Variants in RAPGEF5 observed in about 807,000 individuals in gnomAD.
RAPGEF5 encodes the protein M-Ras-regulated GEF.
Under a neutral mutation model 125.2 loss-of-function variants are expected in RAPGEF5, and 65 were observed. That is an observed-to-expected ratio of 0.52 (90% CI 0.43 to 0.64). The LOEUF (loss-of-function observed/expected upper bound fraction) is 0.64. Among genes scored for constraint, RAPGEF5 ranks in the 30% least tolerant of loss-of-function variants. The pLI, the probability that RAPGEF5 is intolerant of heterozygous loss-of-function variation, is 0.00. For missense variants in RAPGEF5, 958 were observed against 1,048.1 expected (o/e 0.91, Z 1.19); for synonymous variants, 391 against 385.9 (o/e 1.01, Z -0.16).
intron 7 of RAPGEF5, among the ~76,000 whole-genome samples, chr7:22,255,151 T>C (rs1258696468): frequency 6.6e-6 from 1 of 152,148 alleles, no homozygotes; most frequent in Admixed American, 6.5e-5. Context: ...TACAGGATTA[T>C]AAGGTCATAT....
chr7:22,148,198 C>A (rs1028220226), intron 18 of RAPGEF5, among the ~76,000 whole-genome samples: 2 of 152,164 alleles, frequency 1.3e-5, no homozygotes, highest in African/African-American at 4.8e-5. Flanking sequence ...ACCAGACAGG[C>A]TCTACTGCTG....
intron 11 of RAPGEF5, among the ~76,000 whole-genome samples, chr7:22,169,639 G>A (rs1442219641): frequency 6.7e-6 from 1 of 150,070 alleles, no homozygotes; most frequent in Non-Finnish European, 1.5e-5. Context: ...TAGATTGCTT[G>A]AGGCCAGGAG....
At chr7:22,291,332 AT>A in intron 5 of RAPGEF5, 91 bp from the exon 6 acceptor site, 2 of 1,447,162 alleles carry the variant, frequency 1.4e-6, no homozygotes, top group Non-Finnish European at 1.8e-6. Flanking sequence ...AAATAATGTC[AT>A]TGTTATTATA....
At chr7:22,267,113 T>C (rs1782302340) in intron 6 of RAPGEF5, 101 bp from the exon 7 acceptor site, 1 of 1,168,742 alleles carries the variant, frequency 8.6e-7, no homozygotes, top group African/African-American at 1.6e-5. Flanking sequence ...TTCAGAGCTG[T>C]TTCAATTAAA....
intron 7 of RAPGEF5, among the ~76,000 whole-genome samples, chr7:22,250,004 A>C (rs1786577533): frequency 6.6e-6 from 1 of 152,194 alleles, no homozygotes; most frequent in South Asian, 2.1e-4. Flanking sequence ...TTATTTAGTC[A>C]AGGGGGGACT....
intron 5 of RAPGEF5, among the ~76,000 whole-genome samples, 154 bp from the exon 6 acceptor site, chr7:22,291,395 G>A (rs1028877413): frequency 2.0e-5 from 3 of 152,158 alleles, no homozygotes; most frequent in Non-Finnish European, 4.4e-5. Flanking sequence ...AACTCCATAG[G>A]AACATAATCC....
intron 8 of RAPGEF5, among the ~76,000 whole-genome samples, chr7:22,220,734 A>T (rs1439459349): frequency 6.6e-6 from 1 of 151,872 alleles, no homozygotes; most frequent in Non-Finnish European, 1.5e-5. Context: ...AAAAAAGTTC[A>T]TTCTAACACA....
At chr7:22,262,869 T>A (rs1782190487) in intron 7 of RAPGEF5, among the ~76,000 whole-genome samples, 1 of 152,140 alleles carries the variant, frequency 6.6e-6, no homozygotes, top group Non-Finnish European at 1.5e-5. Context: ...GAGACTGAGG[T>A]GGGAAGATTG....
intron 5 of RAPGEF5, among the ~76,000 whole-genome samples, chr7:22,305,794 A>G (rs76446911): frequency 1.4e-4 from 21 of 152,258 alleles, no homozygotes; most frequent in Non-Finnish European, 2.8e-4. Context: ...CACAGATAAG[A>G]ACATGCAATG....
chr7:22,301,374 G>A (rs1220331545), intron 5 of RAPGEF5, among the ~76,000 whole-genome samples: 1 of 152,154 alleles, frequency 6.6e-6, no homozygotes, highest in African/African-American at 2.4e-5. Context: ...TCCGAACTTT[G>A]GGAGGCCAAG....
chr7:22,247,131 G>C (rs1269783988), intron 7 of RAPGEF5, among the ~76,000 whole-genome samples: 1 of 152,202 alleles, frequency 6.6e-6, no homozygotes, highest in Non-Finnish European at 1.5e-5. Flanking sequence ...CTGTTGGTGA[G>C]AATACAAATT....
At chr7:22,216,143 GGC>G (rs1333839635) in intron 9 of RAPGEF5, among the ~76,000 whole-genome samples, 4 of 152,156 alleles carry the variant, frequency 2.6e-5, no homozygotes, top group African/African-American at 9.7e-5. Flanking sequence ...AGTTCAGGCT[GGC>G]ACCTCTCACT....
rs1018724572 is a variant in RAPGEF5, at chr7:22,125,640, C to G, written c.2500G>C (p.Val834Leu). Residue 834 changes from valine (V) to leucine (L), a missense_variant, in exon 25 of 26, where the codon GTC becomes CTC. Transcript: ENST00000665637. ...FEKLHMIADT[V>L]RTLRHCRTNQ... ...GTCCTGCAGTGTCTCAGGGTTCGGACAGTGTCTGCGATCATATGCTGTAAA... is the reference window on the plus strand; with the variant it reads ...GTCCTGCAGTGTCTCAGGGTTCGGAGAGTGTCTGCGATCATATGCTGTAAA... 6.2e-7 allele frequency: 1 copy of G among 1,612,012 alleles called. No homozygotes were observed. Among genetic ancestry groups the G allele is most frequent in the Non-Finnish European group, 8.5e-7 (1 of 1,178,288 alleles).
At chr7:22,163,018 A>C (rs908820106) in intron 12 of RAPGEF5, 6 of 456,382 alleles carry the variant, frequency 1.3e-5, no homozygotes, top group African/African-American at 1.0e-4. Flanking sequence ...GATTTCTGCA[A>C]CAGAATTTGT....
At chr7:22,291,690 T>G (rs1186494906) in intron 5 of RAPGEF5, among the ~76,000 whole-genome samples, 1 of 152,200 alleles carries the variant, frequency 6.6e-6, no homozygotes, top group Non-Finnish European at 1.5e-5. Context: ...TAAAACGGTA[T>G]TATTATAGGC....
intron 6 of RAPGEF5, among the ~76,000 whole-genome samples, chr7:22,273,211 ATTTT>A (rs71026869): frequency 0.033 from 3,220 of 96,368 alleles, 53 homozygotes; most frequent in African/African-American, 0.12. Flanking sequence ...ACTTAGGAGT[ATTTT>A]TTTTTTTTTT....
At chr7:22,181,990 C>A (rs1320840484) in intron 11 of RAPGEF5, among the ~76,000 whole-genome samples, 5 of 152,112 alleles carry the variant, frequency 3.3e-5, no homozygotes, top group Non-Finnish European at 7.4e-5. Context: ...TTCAATGAAG[C>A]AATAATTGAT....
chr7:22,276,201 A>T (rs1418519064), intron 6 of RAPGEF5, among the ~76,000 whole-genome samples: 1 of 152,218 alleles, frequency 6.6e-6, no homozygotes, highest in African/African-American at 2.4e-5. Flanking sequence ...TTTATGTCTC[A>T]AGTTACTTTT....
chr7:22,174,591 T>C (rs900689479), intron 11 of RAPGEF5, among the ~76,000 whole-genome samples: 6 of 152,148 alleles, frequency 3.9e-5, no homozygotes, highest in African/African-American at 7.2e-5. Context: ...CACAGTTGTG[T>C]AGTAGTAATA....
Sources: gnomAD v4.1 joint callset for allele counts (sites outside exome capture counted in the v4.1 genomes callset) on GRCh38, gnomAD v4.1.1 for gene constraint, MANE v1.5 for transcripts, NCBI Gene and HGNC (gene_info 2026-07-23, HGNC 2026-07-21) for gene names.